The following GRIK3 variants were observed in gnomAD, a reference collection of about 807,000 sequenced individuals.
GRIK3 encodes the protein glutamate receptor ionotropic, kainate 3.
In GRIK3, 29 loss-of-function variants were observed where a neutral mutation model predicts 102.5. The ratio of observed to expected loss-of-function variants is 0.28; its 90% confidence interval spans 0.21 to 0.39. The LOEUF is 0.39. GRIK3 is among the 10% of genes least tolerant of loss of function. The pLI, the probability that GRIK3 is intolerant of heterozygous loss-of-function variation, is 1.00. For missense variants in GRIK3, 908 were observed against 1,252.4 expected (o/e 0.73, Z 4.15); for synonymous variants, 511 against 504.9 (o/e 1.01, Z -0.16).
intron 1 of GRIK3, among the ~76,000 whole-genome samples, chr1:36,912,735 G>A (rs1641359889): frequency 6.6e-6 from 1 of 152,112 alleles, no homozygotes; most frequent in Admixed American, 6.5e-5. Context: ...CATCTAGAGG[G>A]TGAGGACACG....
chr1:36,846,633 A>C, intron 9 of GRIK3, among the ~76,000 whole-genome samples: 1 of 152,150 alleles, frequency 6.6e-6, no homozygotes, highest in East Asian at 1.9e-4. Context: ...CCCTACATTC[A>C]GGCTGCGAAG....
chr1:36,851,261 G>T (rs889054086), intron 8 of GRIK3, among the ~76,000 whole-genome samples: 1 of 152,248 alleles, frequency 6.6e-6, no homozygotes, highest in Non-Finnish European at 1.5e-5. Flanking sequence ...TTATGCTTGG[G>T]TAATTCTGCC....
At chr1:37,000,967 C>G (rs1231464981) in intron 1 of GRIK3, among the ~76,000 whole-genome samples, 1 of 152,232 alleles carries the variant, frequency 6.6e-6, no homozygotes, top group Non-Finnish European at 1.5e-5. Context: ...CCACTTAATC[C>G]TCTGCCAGGA....
At chr1:36,991,300 C>T (rs1190089262) in intron 1 of GRIK3, among the ~76,000 whole-genome samples, 1 of 152,196 alleles carries the variant, frequency 6.6e-6, no homozygotes, top group African/African-American at 2.4e-5. Flanking sequence ...TCTGGACTCC[C>T]CTTCACAGGA....
intron 1 of GRIK3, among the ~76,000 whole-genome samples, chr1:36,960,346 T>C (rs1400844869): frequency 1.3e-5 from 2 of 148,230 alleles, no homozygotes; most frequent in Non-Finnish European, 3.0e-5. Flanking sequence ...GTGAACCTGT[T>C]TGCCCCATGA....
chr1:36,855,187 C>T (rs180903031), intron 7 of GRIK3, among the ~76,000 whole-genome samples: 14 of 152,236 alleles, frequency 9.2e-5, no homozygotes, highest in East Asian at 5.8e-4. Context: ...AGAAGAGGCA[C>T]GGGGCAATGG....
At chr1:36,909,931 G>T (rs1373141586) in intron 1 of GRIK3, among the ~76,000 whole-genome samples, 1 of 152,142 alleles carries the variant, frequency 6.6e-6, no homozygotes, top group Non-Finnish European at 1.5e-5. Context: ...GCCCAATGGT[G>T]GAATTCCTCT....
At chr1:36,809,496 A>G (rs1014470026) in intron 13 of GRIK3, among the ~76,000 whole-genome samples, 1 of 152,096 alleles carries the variant, frequency 6.6e-6, no homozygotes, top group Admixed American at 6.5e-5. Context: ...CATCCATCCA[A>G]TAAATCTCAA....
intron 1 of GRIK3, among the ~76,000 whole-genome samples, chr1:36,977,604 T>C (rs2124363590): frequency 6.6e-6 from 1 of 152,144 alleles, no homozygotes; most frequent in South Asian, 2.1e-4. Flanking sequence ...GCTCTGAAGG[T>C]GGTCTTAGGG....
At chr1:36,847,274 C>T (rs575634192) in intron 9 of GRIK3, among the ~76,000 whole-genome samples, 1 of 152,206 alleles carries the variant, frequency 6.6e-6, no homozygotes, top group Non-Finnish European at 1.5e-5. Context: ...AGGCTGCAAA[C>T]CCTAATGCCT....
chr1:36,904,630 T>C (rs1641266302), intron 1 of GRIK3, among the ~76,000 whole-genome samples: 1 of 152,052 alleles, frequency 6.6e-6, no homozygotes, highest in Non-Finnish European at 1.5e-5. Context: ...AAGCAAGAGA[T>C]TACTCAATAT....
chr1:37,006,035 G>C lies in GRIK3; in HGVS notation c.115+27959C>G, dbSNP rs147336180. Among the ~76,000 whole-genome samples the C allele has an allele frequency of 2.8e-4, 43 of 152,294 alleles. No homozygotes were observed. The East Asian group carries it at 7.5e-3, about 27-fold the overall frequency. ...GAAAGGGGATAAGGCCCGGAGTTAA[G>C]GAGGATGCTGTAGCCACCGGGAGAA... On this transcript the variant is annotated intron_variant, in intron 1 of 15. Transcript: ENST00000373091.
At chr1:36,936,192 A>C (rs1641655609) in intron 1 of GRIK3, among the ~76,000 whole-genome samples, 1 of 152,214 alleles carries the variant, frequency 6.6e-6, no homozygotes, top group South Asian at 2.1e-4. Context: ...AGATGGGTGA[A>C]GAAAATACAA....
At chr1:36,895,026 C>A (rs1641157932) in intron 1 of GRIK3, among the ~76,000 whole-genome samples, 1 of 152,138 alleles carries the variant, frequency 6.6e-6, no homozygotes, top group Non-Finnish European at 1.5e-5. Context: ...CATCCTATCC[C>A]TTCTACACGT....
intron 2 of GRIK3, among the ~76,000 whole-genome samples, chr1:36,885,471 T>C (rs539096278): frequency 6.6e-6 from 1 of 152,294 alleles, no homozygotes; most frequent in South Asian, 2.1e-4. Context: ...GTGGTGCTGG[T>C]GTACTGGTGT....
At chr1:36,820,592 T>C (rs997197732) in intron 11 of GRIK3, among the ~76,000 whole-genome samples, 2 of 152,198 alleles carry the variant, frequency 1.3e-5, no homozygotes, top group African/African-American at 4.8e-5. Flanking sequence ...CTATCTGCAT[T>C]ACATAAATTT....
At chr1:36,892,512 G>GCA (rs1491342296) in intron 1 of GRIK3, among the ~76,000 whole-genome samples, 74 of 34,856 alleles carry the variant, frequency 2.1e-3, no homozygotes, top group African/African-American at 6.2e-3. Flanking sequence ...AAAATGACCA[G>GCA]CACAAAAAAA....
intron 1 of GRIK3, among the ~76,000 whole-genome samples, chr1:36,911,345 GTC>G (rs1641343716): frequency 1.3e-5 from 2 of 152,178 alleles, no homozygotes; most frequent in Admixed American, 6.5e-5. Context: ...ACTGCTCTGT[GTC>G]TCTGTTTCAT....
Position 36,850,547 on chromosome 1 carries a change from C to T in GRIK3, c.1213-123G>A. The T allele has an allele frequency of 1.5e-6, 1 of 666,620 alleles. No individual in the cohort carries two copies. Among genetic ancestry groups the T allele is most frequent in the South Asian group, 1.7e-5 (1 of 59,156 alleles). 41.3% of individuals were successfully genotyped at this position (666,620 alleles called of 1,614,324 possible). On this transcript the variant is annotated intron_variant, in intron 8 of 15. Coordinates refer to ENST00000373091, the MANE Select transcript of GRIK3 (RefSeq NM_000831.4). The surrounding 1 kb of genome is among the most constrained non-coding windows in gnomAD (Gnocchi z 4.0). ...GCCTCATTGTCATGATCATCATCAT[C>T]ATCACCACTGCCATTGTGTTTCCAG...
Sources: gnomAD v4.1 joint callset for allele counts (sites outside exome capture counted in the v4.1 genomes callset) on GRCh38, gnomAD v4.1.1 for gene constraint, Gnocchi (gnomAD v3.1) non-coding constraint, MANE v1.5 for transcripts, NCBI Gene and HGNC (gene_info 2026-07-23, HGNC 2026-07-21) for gene names.